Variants in MGA observed in about 807,000 individuals in gnomAD.
MGA encodes MAX dimerization protein MGA, also known as MAX gene-associated protein.
A neutral mutation model predicts 261.1 loss-of-function variants in MGA; 40 were observed. The ratio of observed to expected loss-of-function variants is 0.15; its 90% confidence interval spans 0.12 to 0.20. The LOEUF is 0.20. Among genes scored for constraint, MGA ranks in the 10% least tolerant of loss-of-function variants. The pLI is 1.00. For synonymous variants in MGA, 1,302 were observed against 1,290.6 expected, an observed-to-expected ratio of 1.01 and a Z score of -0.19; for missense variants, 3,397 against 3,630.5, an observed-to-expected ratio of 0.94 and a Z score of 1.65.
Position 41,754,542 on chromosome 15 carries a change from G to A in MGA, c.7114G>A (p.Ala2372Thr), listed in dbSNP as rs1284867249. The stretch of plus-strand genomic sequence containing the variant: ...TGTTGCTCACCTGAAGACCACAGCG[G>A]CCCACACACAGTCATTCAAACAGCC... The change falls in exon 18 of 24, where the codon GCC becomes ACC. Residue 2372 changes from alanine to threonine, a missense_variant. Physicochemically the swap from Ala to Thr is moderately conservative, Grantham distance 58. Around this residue, in one of 9 missense-constraint regions of MGA, gnomAD observed 1,410 missense variants for 1,386.4 expected, o/e 1.02. Transcript: ENST00000219905. 9 of 1,586,760 alleles carry A rather than the reference G, an allele frequency of 5.7e-6. No homozygotes were observed. Among genetic ancestry groups the A allele is most frequent in the Non-Finnish European group, 7.7e-6 (9 of 1,166,092 alleles).
At chr15:41,739,513 T>C (rs1461472284) in intron 13 of MGA, among the ~76,000 whole-genome samples, 1 of 152,186 alleles carries the variant, frequency 6.6e-6, no homozygotes, top group Non-Finnish European at 1.5e-5. Context: ...TCTGGTCTTA[T>C]CAGAGAGATT....
chr15:41,715,977 C>T (rs1319630118), intron 9 of MGA, among the ~76,000 whole-genome samples: 2 of 152,170 alleles, frequency 1.3e-5, no homozygotes, highest in East Asian at 3.8e-4. Flanking sequence ...TTAGGCTTTA[C>T]TGCTTTTTGA....
intron 1 of MGA, among the ~76,000 whole-genome samples, chr15:41,642,546 C>T (rs1360157364): frequency 1.3e-5 from 2 of 151,292 alleles, no homozygotes; most frequent in Non-Finnish European, 2.9e-5. Context: ...TGCAGTGGTG[C>T]GATCTCAGCT....
intron 1 of MGA, among the ~76,000 whole-genome samples, chr15:41,628,321 C>T (rs1268230403): frequency 1.4e-5 from 2 of 143,118 alleles, no homozygotes; most frequent in South Asian, 2.2e-4. Context: ...GAGCTGAGAT[C>T]GTGCCACTGC....
chr15:41,646,700 ACT>A (rs1209298290), intron 1 of MGA, among the ~76,000 whole-genome samples: 1 of 151,116 alleles, frequency 6.6e-6, no homozygotes, highest in African/African-American at 2.4e-5. Flanking sequence ...ACAGAACGAG[ACT>A]CTGTCACCCC....
chr15:41,744,720 A>G (rs759629615), intron 15 of MGA, among the ~76,000 whole-genome samples: 2 of 152,236 alleles, frequency 1.3e-5, no homozygotes, highest in African/African-American at 2.4e-5. Flanking sequence ...TTCATGAAAC[A>G]ATATAGTAGT....
chr15:41,663,076 G>A (rs2057512945), intron 1 of MGA, among the ~76,000 whole-genome samples: 1 of 152,124 alleles, frequency 6.6e-6, no homozygotes, highest in Non-Finnish European at 1.5e-5. Context: ...GAGGATCATT[G>A]CTTTAGTAGA....
rs1407356501 is a variant in MGA, at chr15:41,666,101, A to T, written c.-67-2727A>T. 3.5e-5 allele frequency among the ~76,000 whole-genome samples: 5 copies of T among 144,676 alleles called. No individual in the cohort carries two copies. The Admixed American group carries it at 3.5e-4, about 10-fold the overall frequency. 94.9% of individuals were successfully genotyped at this position (144,676 alleles called of 152,430 possible). A position where few individuals can be genotyped will look rare whatever the true frequency, so the allele number is the denominator to read the frequency against. ...TGGTAGAGACTGACTGGCTATTTTG[A>T]CCAGGCTGGTCTTGAACTCTTGACC... On this transcript the variant is annotated intron_variant, in intron 1 of 23. Transcript: ENST00000219905.
upstream of MGA, among the ~76,000 whole-genome samples, chr15:41,658,933 A>G (rs1400953416): frequency 6.6e-6 from 1 of 152,108 alleles, no homozygotes; most frequent in East Asian, 1.9e-4. Flanking sequence ...ATCAACATAA[A>G]TTTACTTCTT....
intron 5 of MGA, among the ~76,000 whole-genome samples, chr15:41,702,255 G>A (rs745358649): frequency 4.6e-5 from 7 of 151,652 alleles, no homozygotes; most frequent in Admixed American, 2.6e-4. Context: ...CCCGGGAGGC[G>A]GAGCTTGCAG....
chr15:41,752,412 A>G (rs1370192010), intron 17 of MGA: 1 of 152,074 alleles, frequency 6.6e-6, no homozygotes, highest in African/African-American at 2.4e-5. Context: ...TAGGAGTTAT[A>G]TTGCTGATTT....
intron 9 of MGA, among the ~76,000 whole-genome samples, chr15:41,718,124 A>G (rs1478711871): frequency 1.3e-5 from 2 of 151,650 alleles, no homozygotes; most frequent in African/African-American, 4.8e-5. Context: ...TTTGATTTAG[A>G]TATGAATATT....
chr15:41,710,647 C>G (rs760598917), intron 7 of MGA, 44 bp from the exon 8 acceptor site: 2 of 1,504,616 alleles, frequency 1.3e-6, no homozygotes, highest in Admixed American at 4.4e-5. Flanking sequence ...ATTCATAAAT[C>G]TGTCCTAGAT....
At chr15:41,757,454 T>TAA (rs975110980) in intron 18 of MGA, among the ~76,000 whole-genome samples, 1 of 152,176 alleles carries the variant, frequency 6.6e-6, no homozygotes, top group African/African-American at 2.4e-5. Context: ...TATATGCAAA[T>TAA]ACTATGCCAT....
rs1420407507 is a variant in MGA, at chr15:41,742,602, G to T, written c.4642G>T (p.Ala1548Ser). 1.9e-6 allele frequency: 3 copies of T among 1,613,826 alleles called. No individual in the cohort carries two copies. The Admixed American group carries it at 5.0e-5, about 27-fold the overall frequency. ...ACAGTTTGTGATGAGTAAAGTTGGA[G>T]CCTTGCAGCAGAAGATACCTGGAGT... is the stretch of plus-strand genomic sequence containing the variant. Residue 1548 changes from alanine to serine, a missense_variant, in exon 15 of 24, where the codon GCC (alanine) becomes TCC (serine). Physicochemically the swap from Ala to Ser is moderately conservative, Grantham distance 99. Coordinates refer to ENST00000219905, the MANE Select transcript of MGA (RefSeq NM_001164273.2).
chr15:41,660,779 C>T (rs2057344930), intron 1 of MGA, among the ~76,000 whole-genome samples: 1 of 152,222 alleles, frequency 6.6e-6, no homozygotes, highest in African/African-American at 2.4e-5. Context: ...TAACTGGGAA[C>T]ATCGACGCCA....
intron 2 of MGA, among the ~76,000 whole-genome samples, chr15:41,691,860 T>G (rs778741911): frequency 1.3e-5 from 2 of 152,194 alleles, no homozygotes; most frequent in African/African-American, 2.4e-5. Context: ...TCTCTTCATC[T>G]TTCATTTTCA....
upstream of MGA, among the ~76,000 whole-genome samples, chr15:41,656,781 T>C (rs905115341): frequency 6.6e-6 from 1 of 152,072 alleles, no homozygotes; most frequent in African/African-American, 2.4e-5. Flanking sequence ...TTTTCTTTCT[T>C]TAAGAGACAG....
At chr15:41,627,972 A>G (rs1245919611) in intron 1 of MGA, among the ~76,000 whole-genome samples, 1 of 152,170 alleles carries the variant, frequency 6.6e-6, no homozygotes, top group African/African-American at 2.4e-5. Context: ...AACAACAAAT[A>G]ATTAATGAGC....
Sources: allele counts gnomAD v4.1 joint callset (sites outside exome capture counted in the v4.1 genomes callset), GRCh38; gene constraint gnomAD v4.1.1; regional missense constraint gnomAD v4.1.1; transcripts MANE v1.5; gene names NCBI Gene and HGNC (gene_info 2026-07-23, HGNC 2026-07-21).